The following HS3ST4 variants were observed in gnomAD, a reference collection of about 807,000 sequenced individuals.
The protein encoded by HS3ST4 is heparan sulfate-glucosamine 3-sulfotransferase 4.
HS3ST4 carries 17 observed loss-of-function variants against 29.2 expected under a neutral mutation model. The ratio of observed to expected loss-of-function variants is 0.58; its 90% confidence interval spans 0.40 to 0.87. The LOEUF (loss-of-function observed/expected upper bound fraction) is 0.87, where lower values mean the gene tolerates loss of function less well. Among genes scored for constraint, HS3ST4 ranks in the 40% least tolerant of loss-of-function variants. The probability of loss-of-function intolerance (pLI) is 0.00; values close to 1 mark genes in which losing one functional copy is unlikely to be tolerated. For synonymous variants in HS3ST4, 314 were observed against 285.7 expected, an observed-to-expected ratio of 1.10 and a Z score of -1.00; for missense variants, 627 against 634.5, an observed-to-expected ratio of 0.99 and a Z score of 0.13.
At chr16:25,897,271 C>T (rs1172943334) in intron 1 of HS3ST4, among the ~76,000 whole-genome samples, 3 of 151,960 alleles carry the variant, frequency 2.0e-5, no homozygotes, top group African/African-American at 4.8e-5. Flanking sequence ...CTGGGCAACA[C>T]GGTAAAGCCC....
intron 1 of HS3ST4, among the ~76,000 whole-genome samples, chr16:26,101,419 A>G (rs1898988525): frequency 6.6e-6 from 1 of 152,156 alleles, no homozygotes; most frequent in African/African-American, 2.4e-5. Flanking sequence ...TTCCTGGTCT[A>G]TACCACCACA....
At chr16:25,914,809 G>A (rs1968276531) in intron 1 of HS3ST4, among the ~76,000 whole-genome samples, 4 of 151,952 alleles carry the variant, frequency 2.6e-5, no homozygotes, top group African/African-American at 7.3e-5. Context: ...ACCCCTCTGT[G>A]AGAAACAGGG....
chr16:25,697,145 C>T (rs943031170), intron 1 of HS3ST4, among the ~76,000 whole-genome samples: 2 of 152,128 alleles, frequency 1.3e-5, no homozygotes, highest in African/African-American at 2.4e-5. Flanking sequence ...TACCATATGC[C>T]GTGCACTGTA....
chr16:26,054,269 GGAGAGAGAGAGA>G (rs58364733), intron 1 of HS3ST4, among the ~76,000 whole-genome samples: 1 of 133,646 alleles, frequency 7.5e-6, no homozygotes, highest in Non-Finnish European at 1.6e-5. Context: ...ACAGAGAGAG[GGAGAGAGAGAGA>G]GAGAGAGAGA....
chr16:25,776,305 G>A (rs1966847491), intron 1 of HS3ST4, among the ~76,000 whole-genome samples: 1 of 152,148 alleles, frequency 6.6e-6, no homozygotes, highest in Admixed American at 6.5e-5. Flanking sequence ...GAGCAAACCT[G>A]CCTCCCATTC....
chr16:25,721,677 C>G (rs774182172), intron 1 of HS3ST4, among the ~76,000 whole-genome samples: 5 of 152,166 alleles, frequency 3.3e-5, no homozygotes, highest in Non-Finnish European at 5.9e-5. Flanking sequence ...TTCACAGTGA[C>G]ATCTGTTGGA....
intron 1 of HS3ST4, among the ~76,000 whole-genome samples, chr16:25,961,212 C>A (rs910259689): frequency 6.6e-6 from 1 of 152,150 alleles, no homozygotes; most frequent in African/African-American, 2.4e-5. Context: ...AATATGTATC[C>A]TGGGATCTGC....
At chr16:25,746,974 G>A (rs547295109) in intron 1 of HS3ST4, among the ~76,000 whole-genome samples, 6 of 152,262 alleles carry the variant, frequency 3.9e-5, no homozygotes, top group South Asian at 2.1e-4. Context: ...TCAGTCTCCC[G>A]AGTAGCTAAG....
chr16:25,953,559 C>G (rs1596624730), intron 1 of HS3ST4, among the ~76,000 whole-genome samples: 2 of 152,160 alleles, frequency 1.3e-5, no homozygotes, highest in African/African-American at 4.8e-5. Flanking sequence ...GGGAGGGGAC[C>G]CACCCCTTTT....
At chr16:25,866,794 C>T (rs1465947969) in intron 1 of HS3ST4, among the ~76,000 whole-genome samples, 1 of 151,346 alleles carries the variant, frequency 6.6e-6, no homozygotes, top group African/African-American at 2.4e-5. Flanking sequence ...GCACATTCTG[C>T]ACATGCATCC....
At chr16:25,981,331 C>T (rs1188139977) in intron 1 of HS3ST4, among the ~76,000 whole-genome samples, 1 of 150,808 alleles carries the variant, frequency 6.6e-6, no homozygotes, top group African/African-American at 2.5e-5. Context: ...GAGCAAAACT[C>T]CGTCTAAAAA....
At chr16:25,854,083 G>T (rs1256235089) in intron 1 of HS3ST4, among the ~76,000 whole-genome samples, 2 of 151,586 alleles carry the variant, frequency 1.3e-5, no homozygotes, top group Non-Finnish European at 1.5e-5. Flanking sequence ...AGGTTGTATG[G>T]ATTTCTTTTT....
At chr16:25,962,521 C>A (rs933203999) in intron 1 of HS3ST4, among the ~76,000 whole-genome samples, 1 of 152,108 alleles carries the variant, frequency 6.6e-6, no homozygotes, top group Non-Finnish European at 1.5e-5. Context: ...AACAAGCCAA[C>A]AATATTTGTG....
At chr16:26,048,123 G>T (rs1898291889) in intron 1 of HS3ST4, among the ~76,000 whole-genome samples, 3 of 152,140 alleles carry the variant, frequency 2.0e-5, no homozygotes, top group Non-Finnish European at 4.4e-5. Context: ...TCTTCCCTTT[G>T]GGTGTCTGTG....
Position 25,717,510 on chromosome 16 carries a change from GGTGTGTGTGT to G in HS3ST4, c.734+24394_734+24403del, listed in dbSNP as rs763190199. On this transcript the variant is annotated intron_variant, in intron 1 of 1. Transcript: ENST00000331351. ...CTGAAGGATGAGTAGAAGGTGAAGG[GGTGTGTGTGT>G]GTGTGTGTGTGTGTGTGTGTGTGTG... Among the ~76,000 whole-genome samples, 353 of 132,910 alleles carry G rather than the reference GGTGTGTGTGT, an allele frequency of 2.7e-3. 1 individual carries two copies. Among genetic ancestry groups the G allele is most frequent in the Middle Eastern group, 8.1e-3 (2 of 246 alleles). The allele number at this position is 132,910 out of a possible 152,430, so 87.2% of individuals were successfully genotyped here.
chr16:25,813,456 G>A (rs1041472090), intron 1 of HS3ST4, among the ~76,000 whole-genome samples: 1 of 152,124 alleles, frequency 6.6e-6, no homozygotes, highest in African/African-American at 2.4e-5. Context: ...AATTAGCCAG[G>A]CGTGGTGGTG....
intron 1 of HS3ST4, among the ~76,000 whole-genome samples, chr16:25,871,815 G>A (rs576957616): frequency 3.9e-5 from 6 of 152,188 alleles, no homozygotes; most frequent in East Asian, 1.9e-4. Context: ...TAAAGGTCCT[G>A]GATCAGGCTA....
At chr16:25,815,936 G>T (rs1967089257) in intron 1 of HS3ST4, among the ~76,000 whole-genome samples, 1 of 151,912 alleles carries the variant, frequency 6.6e-6, no homozygotes, top group East Asian at 1.9e-4. Flanking sequence ...CAATTATTTT[G>T]GAGGGCCTTC....
rs141527075 is a variant in HS3ST4, at chr16:26,051,644, C to T, written c.735-83968C>T. Among the ~76,000 whole-genome samples, 16 of 152,050 alleles carry T rather than the reference C, an allele frequency of 1.1e-4. No homozygotes were observed. The South Asian group carries it at 2.5e-3, about 24-fold the overall frequency. On this transcript the variant is annotated intron_variant, in intron 1 of 1. Coordinates refer to ENST00000331351, the MANE Select transcript of HS3ST4 (RefSeq NM_006040.3). ...TTCACGCAAGGATTTCATGCAGCTGCGGAGGGCCCCACCACTCTCCCTCTC... is the reference window on the plus strand; with the variant it reads ...TTCACGCAAGGATTTCATGCAGCTGTGGAGGGCCCCACCACTCTCCCTCTC...
Sources: gnomAD v4.1 joint callset for allele counts (sites outside exome capture counted in the v4.1 genomes callset) on GRCh38, gnomAD v4.1.1 for gene constraint, MANE v1.5 for transcripts, NCBI Gene and HGNC (gene_info 2026-07-23, HGNC 2026-07-21) for gene names.